The following CEP57L1 variants were observed in gnomAD, a reference collection of about 807,000 sequenced individuals.
CEP57L1 encodes the protein centrosomal protein CEP57L1.
In CEP57L1, 37 loss-of-function variants were observed where a neutral mutation model predicts 61.0. That is an observed-to-expected ratio of 0.61 (90% CI 0.47 to 0.80). The LOEUF is 0.80. CEP57L1 is among the 30% of genes least tolerant of loss of function. The pLI is 0.00. For synonymous variants in CEP57L1, 137 were observed against 162.3 expected (o/e 0.84, Z 1.19); for missense variants, 422 against 524.7 (o/e 0.80, Z 1.91).
At chr6:109,099,518 A>G (rs1782112572) in intron 1 of CEP57L1, among the ~76,000 whole-genome samples, 1 of 152,030 alleles carries the variant, frequency 6.6e-6, no homozygotes, top group South Asian at 2.1e-4. Context: ...CAAAAGCCAG[A>G]TGGGTACTTT....
intron 1 of CEP57L1, among the ~76,000 whole-genome samples, chr6:109,128,827 G>C (rs537132707): frequency 2.0e-5 from 3 of 152,082 alleles, no homozygotes; most frequent in Non-Finnish European, 4.4e-5. Flanking sequence ...CTTATTGTTT[G>C]TTTGCTTTGG....
intron 1 of CEP57L1, chr6:109,100,216 A>C (rs1264417797): frequency 6.6e-6 from 1 of 152,228 alleles, no homozygotes; most frequent in African/African-American, 2.4e-5. Flanking sequence ...TACAAACTTA[A>C]TAAATGTGTG....
rs995738821 is a variant in CEP57L1, at chr6:109,171,291, T to C, written c.*8321T>C. On this transcript the variant is annotated 3_prime_UTR_variant, in exon 11 of 11. Transcript: ENST00000517392. ...TTCGCTCTTGTTGCCCAAGCTGGAG[T>C]GCAATGGCGCGATCTCAGCTCACTG... 6.6e-6 allele frequency among the ~76,000 whole-genome samples: 1 copy of C among 150,688 alleles called. No homozygotes were observed. Among genetic ancestry groups the C allele is most frequent in the East Asian group, 1.9e-4 (1 of 5,148 alleles).
chr6:109,140,801 A>G, intron 1 of CEP57L1: 1 of 151,986 alleles, frequency 6.6e-6, no homozygotes. Flanking sequence ...TTTAATATTC[A>G]CTGATTTCTT....
intron 4 of CEP57L1, among the ~76,000 whole-genome samples, chr6:109,151,081 A>G (rs908125431): frequency 6.6e-6 from 1 of 152,234 alleles, no homozygotes; most frequent in African/African-American, 2.4e-5. Flanking sequence ...GTTTAAATAT[A>G]AAGAATTAAA....
chr6:109,158,971 T>C, intron 7 of CEP57L1, 54 bp from the exon 8 acceptor site: 25 of 1,549,080 alleles, frequency 1.6e-5, no homozygotes, highest in Non-Finnish European at 2.1e-5. Context: ...CTTCATATCG[T>C]AAATAACTTT....
intron 4 of CEP57L1, among the ~76,000 whole-genome samples, chr6:109,152,627 A>G (rs1017412222): frequency 1.5e-5 from 2 of 133,252 alleles, no homozygotes; most frequent in African/African-American, 5.8e-5. Flanking sequence ...TAGCATATAG[A>G]TGTGCGTGCG....
chr6:109,159,899 A>G (rs1012139627), intron 9 of CEP57L1, among the ~76,000 whole-genome samples: 8 of 152,202 alleles, frequency 5.3e-5, no homozygotes, highest in African/African-American at 1.9e-4. Context: ...TTTATAAGAC[A>G]GGCTCTCCTT....
intron 1 of CEP57L1, among the ~76,000 whole-genome samples, chr6:109,109,196 T>C (rs1771285131): frequency 1.3e-5 from 2 of 152,192 alleles, no homozygotes; most frequent in Admixed American, 1.3e-4. Context: ...TAGACATTAC[T>C]TGAAGTCTGT....
At position 109,155,818 on chromosome 6, in the gene CEP57L1, AT is replaced by A; in HGVS notation, c.687del (p.Ile230Ter). ...TCAAACTGGACTTGAAATCAGTAAA[AT>A]TATAATGTCTTCAGTTTCAAATCTA... ...ELQTGLEISK[I>X]IMSSVSNLKH... is the part of the protein sequence containing the mutation. On this transcript the variant is annotated frameshift_variant, in exon 7 of 11. Coordinates refer to ENST00000517392, the MANE Select transcript of CEP57L1 (RefSeq NM_001271852.3). LOFTEE classifies it high-confidence loss of function. 6.4e-7 allele frequency: 1 copy of A among 1,574,466 alleles called. No homozygotes were observed. The highest frequency in any genetic ancestry group is 8.7e-7 in the Non-Finnish European group (1 of 1,149,074).
intron 1 of CEP57L1, among the ~76,000 whole-genome samples, chr6:109,131,033 A>G (rs926232118): frequency 3.3e-5 from 5 of 152,128 alleles, no homozygotes; most frequent in African/African-American, 4.8e-5. Context: ...CTTTATTGTG[A>G]TGGTTACAAA....
At chr6:109,098,287 A>G (rs143727572) in intron 1 of CEP57L1, among the ~76,000 whole-genome samples, 4 of 152,240 alleles carry the variant, frequency 2.6e-5, no homozygotes, top group African/African-American at 7.2e-5. Context: ...AGCTGGGATT[A>G]CAGGCATGCA....
At chr6:109,149,630 A>C (rs1462658851) in intron 3 of CEP57L1, among the ~76,000 whole-genome samples, 1 of 151,872 alleles carries the variant, frequency 6.6e-6, no homozygotes, top group African/African-American at 2.4e-5. Context: ...ATGAACTTTA[A>C]AGTAGTTTTT....
intron 4 of CEP57L1, among the ~76,000 whole-genome samples, chr6:109,151,473 TC>T (rs1339249402): frequency 9.9e-5 from 15 of 152,224 alleles, no homozygotes; most frequent in African/African-American, 3.6e-4. Context: ...GTATGCTTCC[TC>T]TTATTCCCCT....
rs1366157549 is a variant in CEP57L1 at position 109,173,186 on chromosome 6, TA to T, written c.*10218del. Among the ~76,000 whole-genome samples, 13 of 152,254 alleles carry T rather than the reference TA, an allele frequency of 8.5e-5. No individual in the cohort carries two copies. Among genetic ancestry groups the T allele is most frequent in the Non-Finnish European group, 1.8e-4 (12 of 68,046 alleles). Reference sequence around the variant, plus strand: ...TGTATACCATTGTTTGTGTACTTTTTAATTGTGTCATTTTCTACAGTATTAT... The same window carrying T: ...TGTATACCATTGTTTGTGTACTTTTTATTGTGTCATTTTCTACAGTATTAT... On this transcript the variant is annotated 3_prime_UTR_variant, in exon 11 of 11. Coordinates refer to ENST00000517392, the MANE Select transcript of CEP57L1 (RefSeq NM_001271852.3).
intron 1 of CEP57L1, among the ~76,000 whole-genome samples, chr6:109,135,145 G>A (rs1435491843): frequency 6.6e-6 from 1 of 152,100 alleles, no homozygotes; most frequent in Non-Finnish European, 1.5e-5. Context: ...GAGGCATCAT[G>A]CTACCTGACT....
intron 1 of CEP57L1, among the ~76,000 whole-genome samples, chr6:109,138,933 G>A (rs1771039354): frequency 6.6e-6 from 1 of 152,108 alleles, no homozygotes; most frequent in Non-Finnish European, 1.5e-5. Context: ...GTAGATCTTA[G>A]CAACCTCAGC....
chr6:109,125,300 G>A (rs1173804644), intron 1 of CEP57L1, among the ~76,000 whole-genome samples: 1 of 151,822 alleles, frequency 6.6e-6, no homozygotes, highest in African/African-American at 2.4e-5. Flanking sequence ...ATAAATTTTG[G>A]TACTGAACTA....
intron 10 of CEP57L1, among the ~76,000 whole-genome samples, chr6:109,161,979 T>C (rs1268546769): frequency 6.6e-6 from 1 of 152,088 alleles, no homozygotes; most frequent in Non-Finnish European, 1.5e-5. Flanking sequence ...GGTTGGACTT[T>C]GAAGAAATTG....
Sources: allele counts gnomAD v4.1 joint callset (sites outside exome capture counted in the v4.1 genomes callset), GRCh38; gene constraint gnomAD v4.1.1; transcripts MANE v1.5; gene names NCBI Gene and HGNC (gene_info 2026-07-23, HGNC 2026-07-21).